The following LHPP variants were observed in gnomAD, a reference collection of about 807,000 sequenced individuals.
The protein encoded by LHPP is phospholysine phosphohistidine inorganic pyrophosphate phosphatase, also known as hLHPP.
LHPP carries 24 observed loss-of-function variants against 30.3 expected under a neutral mutation model. The ratio of observed to expected loss-of-function variants is 0.79; its 90% CI spans 0.57 to 1.11. LHPP has a LOEUF of 1.11. Ranked by LOEUF, LHPP falls within the 50% of genes most tolerant of loss-of-function variation. The probability of loss-of-function intolerance (pLI) is 0.00; values close to 1 mark genes in which losing one functional copy is unlikely to be tolerated. For synonymous variants in LHPP, 150 were observed against 157.1 expected, an observed-to-expected ratio of 0.95 and a Z score of 0.34; for missense variants, 356 against 367.2, an observed-to-expected ratio of 0.97 and a Z score of 0.25.
chr10:124,612,989 C>A (rs539232485), intron 6 of LHPP: 8 of 515,204 alleles, frequency 1.6e-5, no homozygotes, highest in African/African-American at 1.3e-4. Flanking sequence ...GGAGCTGGGC[C>A]GGCTGTCACT....
intron 5 of LHPP, chr10:124,498,653 TC>T (rs2133876168): frequency 1.6e-6 from 1 of 611,628 alleles, no homozygotes. Flanking sequence ...GGTTTTCTTT[TC>T]TTTTTCTTTT....
chr10:124,545,129 C>T (rs911819449), intron 6 of LHPP, among the ~76,000 whole-genome samples: 8 of 152,200 alleles, frequency 5.3e-5, no homozygotes, highest in Non-Finnish European at 2.9e-5. Context: ...GGGCCACAGC[C>T]TCTGCTGGCC....
At chr10:124,550,599 G>A (rs1564825567) in intron 6 of LHPP, among the ~76,000 whole-genome samples, 2 of 152,218 alleles carry the variant, frequency 1.3e-5, no homozygotes, top group Admixed American at 6.5e-5. Flanking sequence ...TATGTGCACA[G>A]GGCCGTTCCC....
chr10:124,540,564 C>G (rs923868371), intron 6 of LHPP, among the ~76,000 whole-genome samples: 8 of 152,216 alleles, frequency 5.3e-5, no homozygotes, highest in African/African-American at 1.9e-4. Flanking sequence ...CTGAGTTTTG[C>G]CTTTGCAGTT....
intron 6 of LHPP, among the ~76,000 whole-genome samples, chr10:124,578,363 C>T (rs915560697): frequency 5.3e-5 from 8 of 152,254 alleles, no homozygotes; most frequent in African/African-American, 1.9e-4. Context: ...ACAGGCATGG[C>T]TTGGGGTCCT....
intron 5 of LHPP, among the ~76,000 whole-genome samples, chr10:124,508,754 A>G (rs997965207): frequency 6.6e-6 from 1 of 152,174 alleles, no homozygotes; most frequent in African/African-American, 2.4e-5. Context: ...AACACAAATC[A>G]TGCTTGATCT....
chr10:124,562,881 G>A (rs1013853390), intron 6 of LHPP, among the ~76,000 whole-genome samples: 1 of 150,654 alleles, frequency 6.6e-6, no homozygotes, highest in South Asian at 2.1e-4. Context: ...GTAGTGAGCC[G>A]AGATCATGCC....
intron 5 of LHPP, among the ~76,000 whole-genome samples, chr10:124,501,618 AAAAG>A (rs1402027277): frequency 3.3e-5 from 5 of 150,460 alleles, no homozygotes; most frequent in Admixed American, 6.6e-5. Flanking sequence ...AAAAAAAAAA[AAAAG>A]AAAAATATTC....
intron 6 of LHPP, among the ~76,000 whole-genome samples, chr10:124,571,174 A>G (rs1417996437): frequency 6.6e-6 from 1 of 152,202 alleles, no homozygotes; most frequent in Non-Finnish European, 1.5e-5. Flanking sequence ...TTTCTTTTGT[A>G]AACTGCCCAG....
At chr10:124,585,492 G>A (rs1434363951) in intron 6 of LHPP, among the ~76,000 whole-genome samples, 6 of 151,832 alleles carry the variant, frequency 4.0e-5, no homozygotes, top group African/African-American at 9.7e-5. Flanking sequence ...GCTGGCGCCT[G>A]TAGTCCCAGC....
At chr10:124,487,365 G>A (rs1953364734) in intron 2 of LHPP, among the ~76,000 whole-genome samples, 1 of 151,880 alleles carries the variant, frequency 6.6e-6, no homozygotes, top group South Asian at 2.1e-4. Flanking sequence ...AGACCTTGGT[G>A]TTATCAGTCT....
intron 6 of LHPP, among the ~76,000 whole-genome samples, chr10:124,527,959 T>C (rs530121179): frequency 9.9e-5 from 15 of 152,188 alleles, no homozygotes; most frequent in African/African-American, 3.6e-4. Context: ...TTTAAATTTT[T>C]TATAAAGATG....
At chr10:124,584,510 G>A (rs10751597) in intron 6 of LHPP, among the ~76,000 whole-genome samples, 80,896 of 151,952 alleles carry the variant, frequency 0.53, 21,671 homozygotes, top group African/African-American at 0.61. Context: ...TTGTCCTCAC[G>A]TGGCGAAGGA....
chr10:124,597,463 A>C (rs1367900222), intron 6 of LHPP, among the ~76,000 whole-genome samples: 1 of 152,162 alleles, frequency 6.6e-6, no homozygotes, highest in African/African-American at 2.4e-5. Flanking sequence ...TGTCGAAGAG[A>C]TCCCCCAGCC....
chr10:124,477,410 G>C (rs1473145815), intron 1 of LHPP, among the ~76,000 whole-genome samples: 1 of 152,182 alleles, frequency 6.6e-6, no homozygotes, highest in East Asian at 1.9e-4. Flanking sequence ...GGTGATGTCT[G>C]CAATGTGGCC....
At chr10:124,484,837 G>C (rs1953271170) in intron 2 of LHPP, among the ~76,000 whole-genome samples, 1 of 152,134 alleles carries the variant, frequency 6.6e-6, no homozygotes, top group Admixed American at 6.5e-5. Flanking sequence ...TAGGAACAAG[G>C]TTTGCATCCT....
Position 124,524,279 on chromosome 10 carries a change from T to TG in LHPP, c.716+7008_716+7009insG, listed in dbSNP as rs201852437. On this transcript the variant is annotated intron_variant, in intron 6 of 6. Transcript: ENST00000368842. ...TACTTTCTTTCTTTTGTTTTCATTTTTTTTTTTTTTTTTTTGAGACAGAGT... is the reference window on the plus strand; with the variant it reads ...TACTTTCTTTCTTTTGTTTTCATTTTGTTTTTTTTTTTTTTTGAGACAGAGT... Among the ~76,000 whole-genome samples, 31 of 148,402 alleles carry TG rather than the reference T, an allele frequency of 2.1e-4. 1 individual carries two copies. Among genetic ancestry groups the TG allele is most frequent in the Non-Finnish European group, 2.5e-4 (17 of 66,874 alleles).
In LHPP at chr10:124,484,076, C is replaced by T. The variant is rs1416498241; in HGVS notation, c.126-63C>T. ...ATGCCCTTCGAGAATCACCGCGCAA[C>T]CTCCTTCAGAGGCCCAACACTCCAC... On this transcript the variant is annotated intron_variant, in intron 1 of 6. Transcript: ENST00000368842. 2.0e-6 allele frequency: 3 copies of T among 1,521,972 alleles called. No individual in the cohort carries two copies. In the African/African-American group the frequency reaches 4.1e-5, roughly 21 times the overall value. The allele number at this position is 1,521,972 out of a possible 1,614,324, so 94.3% of individuals were successfully genotyped here.
chr10:124,531,397 T>G (rs554721698), intron 6 of LHPP, among the ~76,000 whole-genome samples: 13 of 152,358 alleles, frequency 8.5e-5, no homozygotes, highest in African/African-American at 3.1e-4. Context: ...ATTTTTCAGA[T>G]TTCCAGAATA....
Sources: allele counts gnomAD v4.1 joint callset (sites outside exome capture counted in the v4.1 genomes callset), GRCh38; gene constraint gnomAD v4.1.1; transcripts MANE v1.5; gene names NCBI Gene and HGNC (gene_info 2026-07-23, HGNC 2026-07-21).